The following MSI2 variants were observed in gnomAD, a reference collection of about 807,000 sequenced individuals.
MSI2 encodes the protein RNA-binding protein Musashi homolog 2.
A neutral mutation model predicts 45.6 loss-of-function variants in MSI2; 17 were observed. That is an observed-to-expected ratio of 0.37 (90% CI 0.26 to 0.56). The LOEUF (loss-of-function observed/expected upper bound fraction) is 0.56, where lower values mean the gene tolerates loss of function less well. MSI2 is among the 20% of genes least tolerant of loss of function. The probability of loss-of-function intolerance (pLI) is 0.77; values close to 1 mark genes in which losing one functional copy is unlikely to be tolerated. For synonymous variants in MSI2, 156 were observed against 158.2 expected (o/e 0.99, Z 0.11); for missense variants, 293 against 444.2 (o/e 0.66, Z 3.06).
downstream of MSI2, among the ~76,000 whole-genome samples, chr17:57,687,847 A>T (rs1396577512): frequency 1.3e-5 from 2 of 152,124 alleles, no homozygotes; most frequent in Non-Finnish European, 1.5e-5. Flanking sequence ...TCTACAATAT[A>T]TCAAGAGTGT....
chr17:57,634,187 A>G (rs1422973948), intron 10 of MSI2, among the ~76,000 whole-genome samples: 1 of 152,204 alleles, frequency 6.6e-6, no homozygotes. Flanking sequence ...AGCTCTGGCC[A>G]GGCGTAGTGG....
the MSI2 span, among the ~76,000 whole-genome samples, chr17:57,691,674 T>A: frequency 2.1e-4 from 32 of 152,364 alleles, no homozygotes; most frequent in Non-Finnish European, 4.4e-4. Flanking sequence ...GAAATACAGT[T>A]GAACTTTGTA....
chr17:57,318,776 G>A (rs1368029779), intron 5 of MSI2, among the ~76,000 whole-genome samples: 1 of 152,158 alleles, frequency 6.6e-6, no homozygotes, highest in Non-Finnish European at 1.5e-5. Context: ...TAATTTTCTT[G>A]TGTCGTTTCT....
intron 9 of MSI2, among the ~76,000 whole-genome samples, chr17:57,622,152 A>G (rs1427948828): frequency 1.3e-5 from 2 of 152,250 alleles, no homozygotes; most frequent in African/African-American, 2.4e-5. Context: ...AGCCAAGATC[A>G]CACCACTGCA....
intron 11 of MSI2, among the ~76,000 whole-genome samples, chr17:57,673,826 C>T (rs11079322): frequency 0.75 from 113,863 of 151,882 alleles, 42,920 homozygotes; most frequent in East Asian, 0.98. Context: ...CATCCTGAGC[C>T]TGCTGTTCTC....
intron 6 of MSI2, among the ~76,000 whole-genome samples, chr17:57,478,468 T>G (rs2085583699): frequency 6.6e-6 from 1 of 152,202 alleles, no homozygotes; most frequent in Non-Finnish European, 1.5e-5. Context: ...CTTAGTTTCT[T>G]TTCTCAAGAA....
intron 7 of MSI2, among the ~76,000 whole-genome samples, chr17:57,538,608 C>A (rs2086972984): frequency 6.6e-6 from 1 of 152,136 alleles, no homozygotes; most frequent in Admixed American, 6.6e-5. Flanking sequence ...CTGGTTTCTT[C>A]CCCCTTCCTC....
chr17:57,416,120 A>G (rs530191959), intron 6 of MSI2, among the ~76,000 whole-genome samples: 1 of 152,310 alleles, frequency 6.6e-6, no homozygotes, highest in East Asian at 1.9e-4. Context: ...TCACTATGAT[A>G]AATGCCAAGT....
At chr17:57,533,503 GC>G in intron 7 of MSI2, among the ~76,000 whole-genome samples, 1 of 152,320 alleles carries the variant, frequency 6.6e-6, no homozygotes, top group Non-Finnish European at 1.5e-5. Context: ...GGATTGATGA[GC>G]CCCAGGACCT....
Position 57,499,641 on chromosome 17 carries a change from T to C in MSI2, c.406-30035T>C, listed in dbSNP as rs965480640. Reference sequence around the variant, plus strand: ...GCTTAAAACAACAGCAATCGTTATATTATTTCTCGTGGTTTCTGTGGAGCG... The same window carrying C: ...GCTTAAAACAACAGCAATCGTTATACTATTTCTCGTGGTTTCTGTGGAGCG... On this transcript the variant is annotated intron_variant, in intron 6 of 13. Transcript: ENST00000284073. Among the ~76,000 whole-genome samples, 3 of 152,230 alleles carry C rather than the reference T, an allele frequency of 2.0e-5. No individual in the cohort carries two copies. The East Asian group carries it at 5.8e-4, about 29-fold the overall frequency.
chr17:57,501,971 A>C (rs1038996218), intron 6 of MSI2, among the ~76,000 whole-genome samples: 1 of 152,294 alleles, frequency 6.6e-6, no homozygotes, highest in Non-Finnish European at 1.5e-5. Flanking sequence ...CTCAGAGCTC[A>C]CCTCCAGGTT....
chr17:57,321,701 G>C (rs1254825460), intron 5 of MSI2, among the ~76,000 whole-genome samples: 1 of 152,158 alleles, frequency 6.6e-6, no homozygotes, highest in Non-Finnish European at 1.5e-5. Context: ...ATTAGGAAGG[G>C]CCCTGCTGTT....
intron 6 of MSI2, among the ~76,000 whole-genome samples, chr17:57,460,405 A>G (rs1485579308): frequency 6.6e-6 from 1 of 152,028 alleles, no homozygotes; most frequent in African/African-American, 2.4e-5. Context: ...AAGAAAAGAA[A>G]AAGATTTGAT....
At chr17:57,568,936 G>A (rs778323622) in intron 7 of MSI2, among the ~76,000 whole-genome samples, 1 of 152,208 alleles carries the variant, frequency 6.6e-6, no homozygotes, top group Non-Finnish European at 1.5e-5. Context: ...GGGAGAAGGA[G>A]GGACAGAGGG....
chr17:57,457,431 G>A (rs934385176), intron 6 of MSI2, among the ~76,000 whole-genome samples: 1 of 152,136 alleles, frequency 6.6e-6, no homozygotes, highest in Non-Finnish European at 1.5e-5. Context: ...CAAGTGGTCT[G>A]CTTTTCTAAG....
At chr17:57,648,227 C>A (rs1261975487) in intron 10 of MSI2, among the ~76,000 whole-genome samples, 1 of 151,090 alleles carries the variant, frequency 6.6e-6, no homozygotes, top group Non-Finnish European at 1.5e-5. Context: ...TGGTCTTGAA[C>A]TCCTGACCTC....
intron 6 of MSI2, among the ~76,000 whole-genome samples, chr17:57,437,962 C>T (rs1050310797): frequency 6.6e-6 from 1 of 152,194 alleles, no homozygotes; most frequent in African/African-American, 2.4e-5. Context: ...TGCACATGCA[C>T]CCGTGTAATT....
chr17:57,583,031 T>G (rs1018011121), intron 7 of MSI2, among the ~76,000 whole-genome samples: 2 of 152,250 alleles, frequency 1.3e-5, no homozygotes, highest in African/African-American at 4.8e-5. Flanking sequence ...CTGCAACTTG[T>G]CCCATCTGAT....
intron 6 of MSI2, among the ~76,000 whole-genome samples, chr17:57,433,799 C>T (rs923611541): frequency 2.6e-5 from 4 of 152,188 alleles, no homozygotes; most frequent in South Asian, 2.1e-4. Context: ...GCCGCTCATG[C>T]GGATTGTGGT....
Sources: allele counts gnomAD v4.1 joint callset (sites outside exome capture counted in the v4.1 genomes callset), GRCh38; gene constraint gnomAD v4.1.1; transcripts MANE v1.5; gene names NCBI Gene and HGNC (gene_info 2026-07-23, HGNC 2026-07-21).